CSMD1: variants seen among roughly 807,000 people sequenced by gnomAD.
CSMD1 encodes CUB and sushi domain-containing protein 1.
Under a neutral mutation model 417.5 loss-of-function variants are expected in CSMD1, and 213 were observed. The ratio of observed to expected loss-of-function variants is 0.51; its 90% CI spans 0.46 to 0.57. The LOEUF (loss-of-function observed/expected upper bound fraction) is 0.57. Ranked by LOEUF, CSMD1 falls within the 20% of genes least tolerant of loss-of-function variation. The pLI is 0.00. For missense variants in CSMD1, 6,923 were observed against 4,529.7 expected, an observed-to-expected ratio of 1.53 and a Z score of -15.17; for synonymous variants, 2,862 against 1,736.8, an observed-to-expected ratio of 1.65 and a Z score of -16.11.
intron 7 of CSMD1, among the ~76,000 whole-genome samples, chr8:3,685,243 A>T (rs973010023): frequency 6.6e-6 from 1 of 152,184 alleles, no homozygotes; most frequent in South Asian, 2.1e-4. Context: ...AGTGACTATA[A>T]AATAAAGTTG....
intron 1 of CSMD1, among the ~76,000 whole-genome samples, chr8:4,816,216 G>A (rs984182219): frequency 1.1e-4 from 17 of 151,546 alleles, no homozygotes; most frequent in Non-Finnish European, 1.9e-4. Flanking sequence ...ACAGAGTCTC[G>A]CTCTGTTGCC....
intron 3 of CSMD1, among the ~76,000 whole-genome samples, chr8:4,373,169 C>CT (rs1802502929): frequency 6.6e-6 from 1 of 152,204 alleles, no homozygotes; most frequent in South Asian, 2.1e-4. Flanking sequence ...CATGATACCC[C>CT]TTGACCGGTG....
At chr8:3,232,773 C>G (rs537598838) in intron 26 of CSMD1, among the ~76,000 whole-genome samples, 12 of 152,228 alleles carry the variant, frequency 7.9e-5, no homozygotes, top group Middle Eastern at 3.4e-3. Context: ...CCCCCATATG[C>G]TCTACCTTTT....
At chr8:3,246,725 G>A (rs920439330) in intron 26 of CSMD1, among the ~76,000 whole-genome samples, 1 of 152,118 alleles carries the variant, frequency 6.6e-6, no homozygotes, top group African/African-American at 2.4e-5. Flanking sequence ...TGCCCGCCTT[G>A]GCATCCCAAA....
In CSMD1 at chr8:3,142,783, G is replaced by T. The variant is rs2129031910; in HGVS notation, c.6032-109C>A. 4.2e-6 allele frequency: 4 copies of T among 948,762 alleles called. No homozygotes were observed. In the South Asian group the frequency reaches 4.3e-5, roughly 10 times the overall value. The allele number at this position is 948,762 out of a possible 1,614,324, so 58.8% of individuals were successfully genotyped here. On this transcript the variant is annotated intron_variant, in intron 40 of 69. Coordinates refer to ENST00000635120, the MANE Select transcript of CSMD1 (RefSeq NM_033225.6). ...CAGTCTCCCCAGACAATCCCTCTCT[G>T]TGAGACAGAACCATGCCGTGGAGGA...
At chr8:4,562,668 G>C (rs1375564709) in intron 2 of CSMD1, among the ~76,000 whole-genome samples, 1 of 152,104 alleles carries the variant, frequency 6.6e-6, no homozygotes, top group Non-Finnish European at 1.5e-5. Context: ...CAACTCAAGA[G>C]CAAGTCACGC....
chr8:3,305,180 T>G (rs1804734702), intron 25 of CSMD1, among the ~76,000 whole-genome samples: 1 of 152,194 alleles, frequency 6.6e-6, no homozygotes, highest in South Asian at 2.1e-4. Context: ...CCGCTATGCC[T>G]GGCCTATTTA....
intron 3 of CSMD1, among the ~76,000 whole-genome samples, chr8:4,349,606 G>C (rs1039585473): frequency 3.9e-5 from 6 of 152,110 alleles, no homozygotes; most frequent in African/African-American, 9.7e-5. Context: ...GTCTTAGAAA[G>C]CTGTTACGTC....
intron 3 of CSMD1, among the ~76,000 whole-genome samples, chr8:4,394,055 C>G (rs1212846893): frequency 6.6e-6 from 1 of 152,144 alleles, no homozygotes; most frequent in Admixed American, 6.5e-5. Flanking sequence ...TAATACTTCT[C>G]AGTTACTCAT....
At chr8:3,600,010 A>C (rs1336509498) in intron 8 of CSMD1, among the ~76,000 whole-genome samples, 6 of 152,178 alleles carry the variant, frequency 3.9e-5, no homozygotes, top group Non-Finnish European at 7.3e-5. Context: ...GGCAGGGAAA[A>C]TGACCACCAC....
At chr8:3,735,228 G>A (rs17326950) in intron 6 of CSMD1, among the ~76,000 whole-genome samples, 2 of 152,004 alleles carry the variant, frequency 1.3e-5, no homozygotes, top group Admixed American at 6.5e-5. Flanking sequence ...ATGGCTTTCT[G>A]TCTGATTTGG....
At chr8:3,249,367 C>A (rs1585792162) in intron 26 of CSMD1, among the ~76,000 whole-genome samples, 1 of 152,082 alleles carries the variant, frequency 6.6e-6, no homozygotes, top group South Asian at 2.1e-4. Flanking sequence ...CGACTACAGG[C>A]GCCCACCACC....
At chr8:4,399,228 C>T (rs946637231) in intron 3 of CSMD1, among the ~76,000 whole-genome samples, 1 of 152,052 alleles carries the variant, frequency 6.6e-6, no homozygotes, top group Non-Finnish European at 1.5e-5. Flanking sequence ...TATGACAAAC[C>T]GTATTTCCCC....
At chr8:3,537,236 C>T (rs760530397) in intron 10 of CSMD1, among the ~76,000 whole-genome samples, 2 of 152,146 alleles carry the variant, frequency 1.3e-5, no homozygotes, top group African/African-American at 4.8e-5. Context: ...ATCTCCTGAC[C>T]TTGTGATCCA....
chr8:4,030,872 C>G (rs536183666), intron 4 of CSMD1, among the ~76,000 whole-genome samples: 2 of 152,290 alleles, frequency 1.3e-5, no homozygotes, highest in Non-Finnish European at 2.9e-5. Flanking sequence ...TCCAGATACC[C>G]CAAATCATCT....
chr8:4,569,665 A>T (rs753179554), intron 2 of CSMD1, among the ~76,000 whole-genome samples: 5 of 151,988 alleles, frequency 3.3e-5, no homozygotes, highest in African/African-American at 4.8e-5. Flanking sequence ...GTTTTTTTCT[A>T]ATTCTGTGAA....
intron 6 of CSMD1, among the ~76,000 whole-genome samples, chr8:3,739,631 A>T (rs1211538631): frequency 6.6e-6 from 1 of 152,176 alleles, no homozygotes; most frequent in Non-Finnish European, 1.5e-5. Context: ...TTCTGTGCTG[A>T]ACATTTACAG....
At chr8:4,331,313 G>C (rs1399380871) in intron 3 of CSMD1, among the ~76,000 whole-genome samples, 5 of 152,194 alleles carry the variant, frequency 3.3e-5, no homozygotes, top group Admixed American at 3.3e-4. Flanking sequence ...CTGCACGGTG[G>C]GTGCAAACGC....
intron 3 of CSMD1, among the ~76,000 whole-genome samples, chr8:4,299,265 G>A (rs1402950929): frequency 3.3e-5 from 5 of 152,062 alleles, no homozygotes; most frequent in East Asian, 1.9e-4. Context: ...ATTTAAAACC[G>A]TCGGATAAGA....
Sources: gnomAD v4.1 joint callset for allele counts (sites outside exome capture counted in the v4.1 genomes callset) on GRCh38, gnomAD v4.1.1 for gene constraint, MANE v1.5 for transcripts, NCBI Gene and HGNC (gene_info 2026-07-23, HGNC 2026-07-21) for gene names.